Variants in HDAC8 observed in about 807,000 individuals in gnomAD.
The protein encoded by HDAC8 is histone deacetylase 8.
HDAC8 carries 1 observed loss-of-function variant against 32.2 expected under a neutral mutation model. The ratio of observed to expected loss-of-function variants is 0.03; its 90% CI spans 0.01 to 0.15. The LOEUF (loss-of-function observed/expected upper bound fraction) is 0.15, where lower values mean the gene tolerates loss of function less well. Ranked by LOEUF, HDAC8 falls within the 10% of genes least tolerant of loss-of-function variation. The pLI is 1.00. For missense variants in HDAC8, 117 were observed against 300.0 expected, an observed-to-expected ratio of 0.39 and a Z score of 4.51; for synonymous variants, 108 against 113.9, an observed-to-expected ratio of 0.95 and a Z score of 0.33.
intron 4 of HDAC8, among the ~76,000 whole-genome samples, chrX:72,515,513 C>T (rs1016068857): frequency 3.1e-5 from 3 of 95,294 alleles, no homozygotes; most frequent in Non-Finnish European, 6.0e-5. Context: ...GTATTGAGTA[C>T]TCTGTTCTAC....
At chrX:72,452,254 G>A (rs1427106949) in intron 9 of HDAC8, among the ~76,000 whole-genome samples, 1 of 111,904 alleles carries the variant, frequency 8.9e-6, no homozygotes, top group Non-Finnish European at 1.9e-5. Flanking sequence ...TCAGGAGTTC[G>A]AGACCAGCCT....
intron 9 of HDAC8, among the ~76,000 whole-genome samples, chrX:72,361,991 A>G (rs781945618): frequency 8.9e-6 from 1 of 111,789 alleles, no homozygotes; most frequent in African/African-American, 3.3e-5. Context: ...GGCTTCCACT[A>G]TGTCATGAAG....
At chrX:72,513,931 C>T (rs191424192) in intron 4 of HDAC8, among the ~76,000 whole-genome samples, 210 of 111,797 alleles carry the variant, frequency 1.9e-3, no homozygotes, top group Non-Finnish European at 2.7e-3. Context: ...AAGAGTCACA[C>T]CATTAACCAT....
chrX:72,388,993 G>C (rs1273966057), intron 9 of HDAC8, among the ~76,000 whole-genome samples: 1 of 112,126 alleles, frequency 8.9e-6, no homozygotes, highest in Non-Finnish European at 1.9e-5. Context: ...ATGGCTGCCT[G>C]AGCTGACTAA....
chrX:72,515,201 C>T (rs893393334), intron 4 of HDAC8, among the ~76,000 whole-genome samples: 4 of 110,953 alleles, frequency 3.6e-5, no homozygotes. Context: ...CTCCCCATTT[C>T]CCCCTTCTCT....
chrX:72,373,393 C>T (rs1472864900), intron 9 of HDAC8, among the ~76,000 whole-genome samples: 3 of 112,412 alleles, frequency 2.7e-5, no homozygotes, highest in Non-Finnish European at 3.8e-5. Flanking sequence ...TCCCCTATCC[C>T]CTGGCAACCA....
At chrX:72,429,867 G>A (rs1555976889) in intron 9 of HDAC8, among the ~76,000 whole-genome samples, 1 of 111,944 alleles carries the variant, frequency 8.9e-6, no homozygotes, top group Non-Finnish European at 1.9e-5. Context: ...ACAGTTGCCT[G>A]CTGCTGCAGC....
intron 4 of HDAC8, among the ~76,000 whole-genome samples, chrX:72,536,141 T>C (rs1348609764): frequency 8.9e-6 from 1 of 112,318 alleles, no homozygotes; most frequent in African/African-American, 3.2e-5. Context: ...CCAGTTCATG[T>C]AGCTGTCAAA....
At chrX:72,330,206 C>T (rs983969070) in intron 10 of HDAC8, 130 bp from the exon 11 acceptor site, 33 of 504,636 alleles carry the variant, frequency 6.5e-5, no homozygotes, top group Non-Finnish European at 1.1e-4. Context: ...ACTCTGTGAC[C>T]TCGCCATAAG....
intron 9 of HDAC8, among the ~76,000 whole-genome samples, chrX:72,410,398 G>C (rs1392147940): frequency 9.0e-6 from 1 of 111,147 alleles, no homozygotes. Context: ...CTGTACAAAA[G>C]GACCAGGCTG....
rs147925591 is a variant in HDAC8, at chrX:72,344,067, G to A, written c.1111+7666C>T. On this transcript the variant is annotated intron_variant, in intron 10 of 10. Coordinates refer to ENST00000373573, the MANE Select transcript of HDAC8 (RefSeq NM_018486.3). ...GTGGTATCAGTGGAGGTCTATTGGA[G>A]AGCCTGAATTCTACTCCACCCAGCA... is the stretch of plus-strand genomic sequence containing the variant. Among the ~76,000 whole-genome samples, 497 of 111,754 alleles carry A rather than the reference G, an allele frequency of 4.4e-3. 3 individuals carry two copies. The highest frequency in any genetic ancestry group is 0.015 in the African/African-American group (457 of 30,724).
At chrX:72,346,807 T>C (rs782153469) in intron 10 of HDAC8, among the ~76,000 whole-genome samples, 3 of 111,484 alleles carry the variant, frequency 2.7e-5, no homozygotes, top group South Asian at 7.7e-4. Context: ...ACAAAGCCTA[T>C]GTCAGGGGCC....
intron 7 of HDAC8, among the ~76,000 whole-genome samples, chrX:72,480,820 G>A (rs1397025258): frequency 1.8e-5 from 2 of 110,605 alleles, no homozygotes; most frequent in Non-Finnish European, 3.8e-5. Flanking sequence ...ACCAAACACT[G>A]CATGTTCTTC....
intron 9 of HDAC8, among the ~76,000 whole-genome samples, chrX:72,439,367 T>C (rs1293432633): frequency 9.0e-6 from 1 of 111,228 alleles, no homozygotes; most frequent in Non-Finnish European, 1.9e-5. Flanking sequence ...ACATACCAAA[T>C]TGTAAAGACC....
chrX:72,541,038 C>T (rs935119449), intron 4 of HDAC8, among the ~76,000 whole-genome samples: 1 of 111,468 alleles, frequency 9.0e-6, no homozygotes, highest in East Asian at 2.8e-4. Flanking sequence ...GAAGCTTATG[C>T]TCTAGTGGTG....
At chrX:72,527,284 C>G (rs2050182775) in intron 4 of HDAC8, among the ~76,000 whole-genome samples, 1 of 111,835 alleles carries the variant, frequency 8.9e-6, no homozygotes, top group Admixed American at 9.5e-5. Flanking sequence ...GCTAATGCTT[C>G]CTGGCCCCTT....
Position 72,500,640 on chromosome X carries a change from A to G in HDAC8, c.438-5372T>C, listed in dbSNP as rs982907971. 2.7e-5 allele frequency among the ~76,000 whole-genome samples: 3 copies of G among 112,196 alleles called. No individual in the cohort carries two copies. In the South Asian group the frequency reaches 1.1e-3, roughly 42 times the overall value. ...AACATATCTCAAAATAATAACAGCC[A>G]TCTATAACAAACCCATAGCCAACAT... On this transcript the variant is annotated intron_variant, in intron 4 of 10. Transcript: ENST00000373573.
At chrX:72,490,468 T>C (rs1377160763) in intron 6 of HDAC8, among the ~76,000 whole-genome samples, 6 of 106,956 alleles carry the variant, frequency 5.6e-5, no homozygotes, top group Admixed American at 2.0e-4. Context: ...ATGGATGAAA[T>C]TGGAAATCAT....
At chrX:72,486,320 A>G (rs1181687866) in intron 7 of HDAC8, among the ~76,000 whole-genome samples, 1 of 111,092 alleles carries the variant, frequency 9.0e-6, no homozygotes, top group African/African-American at 3.3e-5. Flanking sequence ...GGACTGAGTG[A>G]TCTAGTTACC....
Sources: allele counts gnomAD v4.1 joint callset (sites outside exome capture counted in the v4.1 genomes callset), GRCh38; gene constraint gnomAD v4.1.1; transcripts MANE v1.5; gene names NCBI Gene and HGNC (gene_info 2026-07-23, HGNC 2026-07-21).